NUP133: variants seen among roughly 807,000 people sequenced by gnomAD.
NUP133 encodes the protein nuclear pore complex protein Nup133.
Under a neutral mutation model 146.2 loss-of-function variants are expected in NUP133, and 66 were observed. The ratio of observed to expected loss-of-function variants is 0.45; its 90% CI spans 0.37 to 0.55. The LOEUF is 0.55. Among genes scored for constraint, NUP133 ranks in the 20% least tolerant of loss-of-function variants. The probability of loss-of-function intolerance (pLI) is 0.00; values close to 1 mark genes in which losing one functional copy is unlikely to be tolerated. For synonymous variants in NUP133, 521 were observed against 498.8 expected (o/e 1.04, Z -0.59); for missense variants, 1,277 against 1,374.8 (o/e 0.93, Z 1.12).
At chr1:229,474,770 G>A (rs571472322) in intron 14 of NUP133, among the ~76,000 whole-genome samples, 19 of 152,204 alleles carry the variant, frequency 1.2e-4, no homozygotes, top group East Asian at 5.8e-4. Context: ...AAAATTAGCC[G>A]GGTGTGGTAG....
intron 8 of NUP133, among the ~76,000 whole-genome samples, chr1:229,494,418 T>C (rs1160121272): frequency 6.6e-6 from 1 of 152,184 alleles, no homozygotes; most frequent in Non-Finnish European, 1.5e-5. Flanking sequence ...AAGGAACACG[T>C]AGAATTTGTT....
At chr1:229,463,990 AC>A (rs1660754466) in intron 18 of NUP133, among the ~76,000 whole-genome samples, 1 of 152,038 alleles carries the variant, frequency 6.6e-6, no homozygotes, top group Non-Finnish European at 1.5e-5. Flanking sequence ...TACCAAAAAT[AC>A]AAAATTAGCC....
At chr1:229,464,943 A>G in intron 17 of NUP133, 68 bp from the exon 18 acceptor site, 1 of 1,569,852 alleles carries the variant, frequency 6.4e-7, no homozygotes, top group Non-Finnish European at 8.7e-7. Context: ...AAAGACTAAT[A>G]GCATAAAAAT....
chr1:229,489,499 A>G (rs937749014), intron 9 of NUP133, among the ~76,000 whole-genome samples: 3 of 152,266 alleles, frequency 2.0e-5, no homozygotes, highest in Admixed American at 1.3e-4. Flanking sequence ...GAGATGGCAA[A>G]GAAAATGCAA....
chr1:229,491,765 G>A (rs1165227257), intron 8 of NUP133, among the ~76,000 whole-genome samples: 1 of 152,066 alleles, frequency 6.6e-6, no homozygotes, highest in African/African-American at 2.4e-5. Flanking sequence ...GCAACAGTGT[G>A]AGACTCTAAC....
In NUP133 at chr1:229,470,471, T is replaced by C. The variant is rs1660929204; in HGVS notation, c.2076+109A>G. ...AAAATCTGGAGTCCAATTTAAAATT[T>C]CAGTGAGATCTTTTGTGATTTAACT... On this transcript the variant is annotated intron_variant, in intron 15 of 25. Coordinates refer to ENST00000261396, the MANE Select transcript of NUP133 (RefSeq NM_018230.3). 3.4e-6 allele frequency: 3 copies of C among 883,888 alleles called. No homozygotes were observed. In the Admixed American group the frequency reaches 7.2e-5, roughly 21 times the overall value. 54.8% of individuals were successfully genotyped at this position (883,888 alleles called of 1,614,324 possible). A position where few individuals can be genotyped will look rare whatever the true frequency, so the allele number is the denominator to read the frequency against.
chr1:229,502,473 C>T (rs1399485314), intron 2 of NUP133, among the ~76,000 whole-genome samples: 3 of 145,552 alleles, frequency 2.1e-5, no homozygotes, highest in Admixed American at 7.1e-5. Context: ...GCAAGAGAAT[C>T]GCTTGAACCT....
In NUP133 at chr1:229,495,631, C is replaced by A. The variant is rs12730426; in HGVS notation, c.976-66G>T. On this transcript the variant is annotated intron_variant, in intron 7 of 25. Transcript: ENST00000261396. ...GAATGATTTATTTTCACCTTTATAT[C>A]CCTAGTACCTAGTGAAGTGCTTCAC... The A allele has an allele frequency of 0.015, 17,671 of 1,197,426 alleles. 186 individuals are homozygous for A. The highest frequency in any genetic ancestry group is 0.028 in the Middle Eastern group (146 of 5,280). 74.2% of individuals were successfully genotyped at this position (1,197,426 alleles called of 1,614,324 possible). A position where few individuals can be genotyped will look rare whatever the true frequency, so the allele number is the denominator to read the frequency against.
chr1:229,455,128 G>GA (rs1291510562), intron 21 of NUP133, among the ~76,000 whole-genome samples: 5 of 151,856 alleles, frequency 3.3e-5, no homozygotes, highest in Non-Finnish European at 5.9e-5. Flanking sequence ...CCCTCAAAAG[G>GA]AAAAAAATGA....
intron 12 of NUP133, among the ~76,000 whole-genome samples, chr1:229,480,467 T>G (rs533710643): frequency 6.6e-6 from 1 of 152,322 alleles, no homozygotes; most frequent in African/African-American, 2.4e-5. Context: ...ACAAAAGATT[T>G]AGTGTTTTTT....
At chr1:229,447,468 CTT>C (rs78431617) in intron 24 of NUP133, among the ~76,000 whole-genome samples, 4 of 143,380 alleles carry the variant, frequency 2.8e-5, no homozygotes, top group Admixed American at 7.0e-5. Flanking sequence ...CCATAGATGT[CTT>C]TTTTTTTTTT....
In NUP133 at chr1:229,464,770, G is replaced by T. The variant is rs775132624; in HGVS notation, c.2405C>A (p.Thr802Asn). 1.9e-6 allele frequency: 3 copies of T among 1,614,196 alleles called. No homozygotes were observed. The highest frequency in any genetic ancestry group is 3.3e-4 in the Middle Eastern group (2 of 6,062). Reference protein sequence around the residue: ...QADSNLRNIVTEQLVALIDCF... With the variant: ...QADSNLRNIVNEQLVALIDCF... ...ATCGATCAGGGCTACCAGCTGCTCG[G>T]TCACGATGTTTCGGAGGTTGCTGTC... The change falls in exon 18 of 26, where the codon ACC becomes AAC. Residue 802 changes from threonine to asparagine, a missense_variant. By Grantham distance (65) the Thr-to-Asn change is moderately conservative (BLOSUM62 0). Transcript: ENST00000261396.
At position 229,441,725 on chromosome 1, in the gene NUP133, A is replaced by C; in HGVS notation, c.*179T>G. 1 of 537,124 alleles carries C rather than the reference A, an allele frequency of 1.9e-6. No individual in the cohort carries two copies. Among genetic ancestry groups the C allele is most frequent in the Non-Finnish European group, 3.2e-6 (1 of 308,354 alleles). The allele number at this position is 537,124 out of a possible 1,614,324, so 33.3% of individuals were successfully genotyped here. ...TTCAGGTGGAAAAAACAAGTCACATAACTGAAAACCAAAATCACAGTTACA... is the reference window on the plus strand; with the variant it reads ...TTCAGGTGGAAAAAACAAGTCACATCACTGAAAACCAAAATCACAGTTACA... On this transcript the variant is annotated 3_prime_UTR_variant, in exon 26 of 26. Coordinates refer to ENST00000261396, the MANE Select transcript of NUP133 (RefSeq NM_018230.3).
chr1:229,494,257 C>T (rs538389655), intron 8 of NUP133, among the ~76,000 whole-genome samples: 40 of 152,236 alleles, frequency 2.6e-4, no homozygotes, highest in African/African-American at 4.8e-4. Context: ...TTAATTAAAA[C>T]GCTTACAGAA....
At chr1:229,454,160 T>A (rs1010177818) in intron 21 of NUP133, among the ~76,000 whole-genome samples, 32 of 152,266 alleles carry the variant, frequency 2.1e-4, no homozygotes, top group Middle Eastern at 3.4e-3. Context: ...ACAGCACATC[T>A]CCTAGGCAGC....
chr1:229,472,095 G>A (rs570539169), intron 14 of NUP133, among the ~76,000 whole-genome samples: 7 of 152,048 alleles, frequency 4.6e-5, no homozygotes, highest in Admixed American at 1.3e-4. Context: ...CGAGGCGGGC[G>A]GATCACGAGT....
intron 25 of NUP133, among the ~76,000 whole-genome samples, chr1:229,444,059 G>A (rs532714980): frequency 1.3e-5 from 2 of 152,038 alleles, no homozygotes; most frequent in Non-Finnish European, 2.9e-5. Flanking sequence ...TCAGCTGGGC[G>A]TGGTGGCTCA....
At chr1:229,475,864 C>A in intron 13 of NUP133, 132 bp from the exon 14 acceptor site, 1 of 666,424 alleles carries the variant, frequency 1.5e-6, no homozygotes, top group Non-Finnish European at 2.6e-6. Flanking sequence ...AATCCGAGCA[C>A]TTTGGGAGGT....
chr1:229,488,846 C>G (rs1410997485), intron 9 of NUP133, among the ~76,000 whole-genome samples: 2 of 152,008 alleles, frequency 1.3e-5, no homozygotes, highest in Non-Finnish European at 2.9e-5. Context: ...GACTTTATCT[C>G]TTCAAAAAAT....
Sources: gnomAD v4.1 joint callset for allele counts (sites outside exome capture counted in the v4.1 genomes callset) on GRCh38, gnomAD v4.1.1 for gene constraint, MANE v1.5 for transcripts, NCBI Gene and HGNC (gene_info 2026-07-23, HGNC 2026-07-21) for gene names.